The following EML4 variants were observed in gnomAD, a reference collection of about 807,000 sequenced individuals.
EML4 encodes the protein echinoderm microtubule-associated protein-like 4.
Under a neutral mutation model 129.0 loss-of-function variants are expected in EML4, and 72 were observed. The observed-to-expected ratio is 0.56, with a 90% CI of 0.46 to 0.68. The LOEUF (loss-of-function observed/expected upper bound fraction) is 0.68, where lower values mean the gene tolerates loss of function less well. Among genes scored for constraint, EML4 ranks in the 30% least tolerant of loss-of-function variants. EML4 has a pLI of 0.00. For synonymous variants in EML4, 532 were observed against 405.0 expected (o/e 1.31, Z -3.77); for missense variants, 1,363 against 1,190.6 (o/e 1.14, Z -2.13).
chr2:42,233,103 C>G (rs1572594379), intron 1 of EML4, among the ~76,000 whole-genome samples: 1 of 152,080 alleles, frequency 6.6e-6, no homozygotes, highest in East Asian at 1.9e-4. Flanking sequence ...GTTAGTTTAT[C>G]CTTAGATCAA....
At chr2:42,220,196 T>C (rs1049689724) in intron 1 of EML4, among the ~76,000 whole-genome samples, 3 of 151,784 alleles carry the variant, frequency 2.0e-5, no homozygotes, top group Admixed American at 2.0e-4. Context: ...GCATACTTTG[T>C]TTTATTGTGC....
intron 1 of EML4, among the ~76,000 whole-genome samples, chr2:42,199,205 A>G (rs938501544): frequency 3.3e-5 from 5 of 152,354 alleles, no homozygotes; most frequent in African/African-American, 1.2e-4. Context: ...TTAAGATTTC[A>G]GATGAGTAAT....
intron 14 of EML4, among the ~76,000 whole-genome samples, chr2:42,301,753 T>A (rs1227302520): frequency 6.6e-6 from 1 of 152,040 alleles, no homozygotes; most frequent in Non-Finnish European, 1.5e-5. Flanking sequence ...TTCTGGAAAA[T>A]CCTCTTAAAA....
intron 11 of EML4, among the ~76,000 whole-genome samples, chr2:42,293,909 C>T (rs994369728): frequency 2.0e-5 from 3 of 152,064 alleles, no homozygotes; most frequent in Non-Finnish European, 4.4e-5. Flanking sequence ...ACGCCCGGCC[C>T]ATGTTGTTTT....
At chr2:42,213,934 T>G (rs1673025533) in intron 1 of EML4, among the ~76,000 whole-genome samples, 2 of 152,216 alleles carry the variant, frequency 1.3e-5, no homozygotes, top group Non-Finnish European at 2.9e-5. Flanking sequence ...GTATAGGATT[T>G]TAAAATTAAT....
At chr2:42,260,488 T>A (rs1006624973) in intron 3 of EML4, among the ~76,000 whole-genome samples, 8 of 152,218 alleles carry the variant, frequency 5.3e-5, no homozygotes, top group Admixed American at 5.2e-4. Context: ...TTTTAAATTG[T>A]GTCACTCACA....
intron 6 of EML4, among the ~76,000 whole-genome samples, chr2:42,265,259 T>G (rs947552121): frequency 1.3e-5 from 2 of 152,076 alleles, no homozygotes; most frequent in Non-Finnish European, 2.9e-5. Flanking sequence ...TTTTTGGTGT[T>G]TTTTGTTTGT....
At chr2:42,197,469 A>T (rs1294047375) in intron 1 of EML4, among the ~76,000 whole-genome samples, 1 of 152,316 alleles carries the variant, frequency 6.6e-6, no homozygotes, top group Middle Eastern at 3.4e-3. Context: ...GCAGGAGGTG[A>T]TAAGAGTTCT....
chr2:42,264,218 G>A (rs923067185), intron 5 of EML4, among the ~76,000 whole-genome samples: 1 of 148,940 alleles, frequency 6.7e-6, no homozygotes, highest in African/African-American at 2.5e-5. Context: ...GGGCTCAGGT[G>A]ATTCTCCTAC....
chr2:42,209,737 C>G (rs1178625977), intron 1 of EML4, among the ~76,000 whole-genome samples: 1 of 152,168 alleles, frequency 6.6e-6, no homozygotes, highest in Non-Finnish European at 1.5e-5. Flanking sequence ...CAAGACCAGC[C>G]TGACCAACAC....
chr2:42,284,353 A>G (rs868469217), intron 8 of EML4, among the ~76,000 whole-genome samples: 1 of 152,230 alleles, frequency 6.6e-6, no homozygotes, highest in African/African-American at 2.4e-5. Context: ...TGGACTAGAA[A>G]GGAACTTCAG....
At position 42,301,222 on chromosome 2, in the gene EML4, T is replaced by A; in HGVS notation, c.1490-19T>A. On this transcript the variant is annotated intron_variant, in intron 13 of 22. Coordinates refer to ENST00000318522, the MANE Select transcript of EML4 (RefSeq NM_019063.5). ...AGAAAAGTATTATCACTAGTGTTTT[T>A]ATTTTTCCCTCATATTAGGTGTATA... 1 of 1,597,532 alleles carries A rather than the reference T, an allele frequency of 6.3e-7. No homozygotes were observed. The highest frequency in any genetic ancestry group is 1.1e-5 in the South Asian group (1 of 87,506).
intron 3 of EML4, 58 bp downstream of exon 3, chr2:42,256,688 A>G: frequency 6.3e-7 from 1 of 1,589,538 alleles, no homozygotes; most frequent in Non-Finnish European, 8.6e-7. Flanking sequence ...AATGTGGTAG[A>G]GATCTCCCTT....
At chr2:42,279,955 A>C (rs1279214461) in intron 6 of EML4, among the ~76,000 whole-genome samples, 1 of 152,106 alleles carries the variant, frequency 6.6e-6, no homozygotes, top group African/African-American at 2.4e-5. Flanking sequence ...TCCTTAGTCC[A>C]TTTTAAAATC....
chr2:42,278,295 G>C (rs564843611), intron 6 of EML4, among the ~76,000 whole-genome samples: 1 of 152,238 alleles, frequency 6.6e-6, no homozygotes, highest in East Asian at 1.9e-4. Flanking sequence ...AATTGCGGCC[G>C]CATGCGGTGG....
chr2:42,254,780 C>T (rs897759219), intron 2 of EML4, among the ~76,000 whole-genome samples: 1 of 151,882 alleles, frequency 6.6e-6, no homozygotes, highest in Non-Finnish European at 1.5e-5. Context: ...CAGTTCCGCT[C>T]CTAGGTATAT....
At chr2:42,237,753 C>G (rs1674766039) in intron 1 of EML4, among the ~76,000 whole-genome samples, 1 of 152,136 alleles carries the variant, frequency 6.6e-6, no homozygotes, top group Non-Finnish European at 1.5e-5. Flanking sequence ...TTAAGAAAGT[C>G]ATAAGGAAAA....
chr2:42,251,163 C>G (rs1250054452), intron 2 of EML4, among the ~76,000 whole-genome samples: 8 of 152,190 alleles, frequency 5.3e-5, no homozygotes, highest in African/African-American at 1.9e-4. Context: ...CAGTCTGTGG[C>G]CCAGGGGTTG....
At chr2:42,287,677 A>C (rs572080716) in intron 10 of EML4, among the ~76,000 whole-genome samples, 1 of 152,316 alleles carries the variant, frequency 6.6e-6, no homozygotes, top group Admixed American at 6.5e-5. Context: ...GAAAAACAGG[A>C]AATTTCATTA....
Sources: allele counts gnomAD v4.1 joint callset (sites outside exome capture counted in the v4.1 genomes callset), GRCh38; gene constraint gnomAD v4.1.1; transcripts MANE v1.5; gene names NCBI Gene and HGNC (gene_info 2026-07-23, HGNC 2026-07-21).